Variants in BCAR3 observed in about 807,000 individuals in gnomAD.
BCAR3 encodes the protein BCAR3 adaptor protein, NSP family member, also known as breast cancer anti-estrogen resistance protein 3.
Under a neutral mutation model 80.1 loss-of-function variants are expected in BCAR3, and 37 were observed. The ratio of observed to expected loss-of-function variants is 0.46; its 90% confidence interval spans 0.36 to 0.61. The LOEUF (loss-of-function observed/expected upper bound fraction) is 0.61, where lower values mean the gene tolerates loss of function less well. BCAR3 is among the 20% of genes least tolerant of loss of function. The probability of loss-of-function intolerance (pLI) is 0.00; values close to 1 mark genes in which losing one functional copy is unlikely to be tolerated. For synonymous variants in BCAR3, 389 were observed against 418.9 expected, an observed-to-expected ratio of 0.93 and a Z score of 0.87; for missense variants, 978 against 1,068.2, an observed-to-expected ratio of 0.92 and a Z score of 1.18.
At chr1:93,827,182 AG>A (rs1654401820) in intron 2 of BCAR3, among the ~76,000 whole-genome samples, 1 of 152,200 alleles carries the variant, frequency 6.6e-6, no homozygotes, top group Admixed American at 6.5e-5. Flanking sequence ...GTGTCTAACA[AG>A]TGAAACAAAA....
At chr1:93,563,233 C>T (rs1570894052) in intron 11 of BCAR3, among the ~76,000 whole-genome samples, 1 of 152,328 alleles carries the variant, frequency 6.6e-6, no homozygotes, top group South Asian at 2.1e-4. Flanking sequence ...AGACCTCAGT[C>T]AACCACTGAT....
intron 11 of BCAR3, among the ~76,000 whole-genome samples, chr1:93,562,656 A>G (rs1481255561): frequency 1.3e-4 from 20 of 151,234 alleles, no homozygotes. Flanking sequence ...CTGTAGTCCC[A>G]GCTACTCGGG....
chr1:93,761,751 C>T (rs1323406086), intron 2 of BCAR3, among the ~76,000 whole-genome samples: 8 of 152,154 alleles, frequency 5.3e-5, no homozygotes, highest in Non-Finnish European at 1.2e-4. Context: ...GGCCACCTTC[C>T]TGTGGATCCT....
intron 2 of BCAR3, among the ~76,000 whole-genome samples, chr1:93,647,418 C>G (rs1676176379): frequency 6.6e-6 from 1 of 152,146 alleles, no homozygotes; most frequent in Non-Finnish European, 1.5e-5. Context: ...TAAAAACATA[C>G]AGGTTAACAG....
intron 3 of BCAR3, chr1:93,602,293 G>C (rs1340781876): frequency 6.6e-6 from 1 of 152,092 alleles, no homozygotes; most frequent in Non-Finnish European, 1.5e-5. Flanking sequence ...CTTCCAATGA[G>C]CTCAGGGTGG....
rs753923301 is a variant in BCAR3, at chr1:93,567,438, C to T, written c.2140G>A (p.Val714Met). The change falls in exon 11 of 12, where the codon GTG (valine) becomes ATG (methionine). Residue 714 changes from valine (V) to methionine (M), a missense_variant. Physicochemically the swap from Val to Met is conservative, Grantham distance 21. Transcript: ENST00000260502. ...NVSVPLLMPL[V>M]TLMERQAVTF... is the part of the protein sequence containing the mutation. Reference sequence around the variant, plus strand: ...ACAGCCTGGCGCTCCATTAACGTCACAAGCGGCATCAGCAGTGGGACTGAT... The same window carrying T: ...ACAGCCTGGCGCTCCATTAACGTCATAAGCGGCATCAGCAGTGGGACTGAT... 1 of 1,614,186 alleles carries T rather than the reference C, an allele frequency of 6.2e-7. No homozygotes were observed. The highest frequency in any genetic ancestry group is 8.5e-7 in the Non-Finnish European group (1 of 1,180,030).
chr1:93,689,024 C>A (rs774637883), intron 3 of BCAR3, among the ~76,000 whole-genome samples: 19 of 152,134 alleles, frequency 1.2e-4, no homozygotes, highest in African/African-American at 4.6e-4. Flanking sequence ...TTTAAAAATT[C>A]ATTGAGCATC....
At chr1:93,585,485 T>A (rs1326987240) in intron 5 of BCAR3, among the ~76,000 whole-genome samples, 1 of 152,210 alleles carries the variant, frequency 6.6e-6, no homozygotes, top group Non-Finnish European at 1.5e-5. Flanking sequence ...AAAAAGTTTT[T>A]AAACCAGGAT....
chr1:93,717,532 C>T (rs1571069926), intron 2 of BCAR3, among the ~76,000 whole-genome samples: 2 of 152,144 alleles, frequency 1.3e-5, no homozygotes, highest in Middle Eastern at 3.4e-3. Flanking sequence ...TGAGACCATC[C>T]TGGCCAACAT....
chr1:93,572,050 G>A (rs1476133127), intron 8 of BCAR3, among the ~76,000 whole-genome samples: 1 of 152,192 alleles, frequency 6.6e-6, no homozygotes, highest in Non-Finnish European at 1.5e-5. Context: ...CACAGAGGGT[G>A]CACTTTCAGT....
intron 2 of BCAR3, among the ~76,000 whole-genome samples, chr1:93,719,848 A>G (rs1344784311): frequency 2.0e-5 from 3 of 152,158 alleles, no homozygotes; most frequent in African/African-American, 7.2e-5. Context: ...GGGTCCCTTG[A>G]TGCATGAAGA....
At chr1:93,797,709 T>C (rs1653331363) in intron 2 of BCAR3, among the ~76,000 whole-genome samples, 1 of 152,072 alleles carries the variant, frequency 6.6e-6, no homozygotes. Context: ...GCATGGTATG[T>C]ACAATAAAAA....
intron 2 of BCAR3, among the ~76,000 whole-genome samples, chr1:93,766,337 A>G (rs74104130): frequency 0.12 from 17,811 of 152,214 alleles, 1,469 homozygotes; most frequent in African/African-American, 0.22. Context: ...ATTAGGTAAC[A>G]CTAAGTGTGC....
intron 3 of BCAR3, among the ~76,000 whole-genome samples, chr1:93,608,742 C>G (rs1310197527): frequency 6.6e-6 from 1 of 152,212 alleles, no homozygotes; most frequent in African/African-American, 2.4e-5. Flanking sequence ...GAAACCAGAT[C>G]CCACCCAACC....
At chr1:93,719,334 G>GTTTTTTTTTTTTT (rs1217381018) in intron 2 of BCAR3, among the ~76,000 whole-genome samples, 1 of 73,206 alleles carries the variant, frequency 1.4e-5, no homozygotes, top group Non-Finnish European at 2.4e-5. Flanking sequence ...AAACTTTCTT[G>GTTTTTTTTTTTTT]TTTTTTTTTT....
At chr1:93,574,350 A>G (rs1235169862) in intron 8 of BCAR3, among the ~76,000 whole-genome samples, 4 of 152,218 alleles carry the variant, frequency 2.6e-5, no homozygotes, top group East Asian at 3.8e-4. Flanking sequence ...AGAAGGTGAT[A>G]TCATGTGACA....
chr1:93,841,126 A>T (rs144824103), intron 2 of BCAR3, among the ~76,000 whole-genome samples: 11 of 152,330 alleles, frequency 7.2e-5, no homozygotes, highest in African/African-American at 2.6e-4. Flanking sequence ...AAATTCTCGG[A>T]GGAGGTGACA....
At chr1:93,624,151 A>C (rs236313) in intron 3 of BCAR3, among the ~76,000 whole-genome samples, 12,331 of 152,250 alleles carry the variant, frequency 0.081, 675 homozygotes, top group African/African-American at 0.15. Context: ...AAGCACAAAC[A>C]AACTGCATTC....
At chr1:93,656,608 G>A (rs1243801101) in intron 2 of BCAR3, among the ~76,000 whole-genome samples, 4 of 148,148 alleles carry the variant, frequency 2.7e-5, no homozygotes. Flanking sequence ...AATATCTGAA[G>A]TCTTTTTTTT....
Sources: allele counts gnomAD v4.1 joint callset (sites outside exome capture counted in the v4.1 genomes callset), GRCh38; gene constraint gnomAD v4.1.1; transcripts MANE v1.5; gene names NCBI Gene and HGNC (gene_info 2026-07-23, HGNC 2026-07-21).